Variants in ATP8B4 observed in about 807,000 individuals in gnomAD.
The protein encoded by ATP8B4 is probable phospholipid-transporting ATPase IM.
ATP8B4 carries 133 observed loss-of-function variants against 145.6 expected under a neutral mutation model. The ratio of observed to expected loss-of-function variants is 0.91; its 90% CI spans 0.79 to 1.05. The LOEUF (loss-of-function observed/expected upper bound fraction) is 1.05. ATP8B4 is among the 50% of genes least tolerant of loss of function. The probability of loss-of-function intolerance (pLI) is 0.00; values close to 1 mark genes in which losing one functional copy is unlikely to be tolerated. For synonymous variants in ATP8B4, 507 were observed against 492.9 expected, an observed-to-expected ratio of 1.03 and a Z score of -0.38; for missense variants, 1,458 against 1,425.2, an observed-to-expected ratio of 1.02 and a Z score of -0.37.
intron 2 of ATP8B4, among the ~76,000 whole-genome samples, chr15:50,083,660 G>C (rs1342629454): frequency 6.6e-6 from 1 of 152,126 alleles, no homozygotes; most frequent in Non-Finnish European, 1.5e-5. Context: ...ATACCTCAGG[G>C]GTTGCACAGG....
intron 1 of ATP8B4, among the ~76,000 whole-genome samples, chr15:50,112,316 C>G (rs2056985548): frequency 6.6e-6 from 1 of 152,094 alleles, no homozygotes; most frequent in Non-Finnish European, 1.5e-5. Flanking sequence ...CCCTCCCTGT[C>G]TGTCTCCTAT....
At chr15:50,175,274 TA>T (rs1385053333) in intron 1 of ATP8B4, among the ~76,000 whole-genome samples, 2 of 151,930 alleles carry the variant, frequency 1.3e-5, no homozygotes, top group South Asian at 2.1e-4. Context: ...CCAAATGCAA[TA>T]AAAACAAAGA....
intron 3 of ATP8B4, among the ~76,000 whole-genome samples, chr15:50,071,409 G>A (rs1331859179): frequency 2.0e-5 from 3 of 152,132 alleles, no homozygotes; most frequent in East Asian, 1.9e-4. Flanking sequence ...AGGCACAAAC[G>A]AAATAAGGCT....
intron 16 of ATP8B4, among the ~76,000 whole-genome samples, chr15:49,927,759 C>T (rs979008651): frequency 1.3e-5 from 2 of 152,082 alleles, no homozygotes; most frequent in Admixed American, 1.3e-4. Flanking sequence ...TAACACCTTC[C>T]CTGAGGCTGT....
intron 1 of ATP8B4, among the ~76,000 whole-genome samples, chr15:50,114,802 A>G (rs1199565939): frequency 6.6e-6 from 1 of 152,218 alleles, no homozygotes; most frequent in African/African-American, 2.4e-5. Context: ...AGCGATGATT[A>G]TTTTTATTTT....
At chr15:50,163,050 T>C (rs1319663156) in intron 1 of ATP8B4, among the ~76,000 whole-genome samples, 1 of 152,224 alleles carries the variant, frequency 6.6e-6, no homozygotes, top group Non-Finnish European at 1.5e-5. Flanking sequence ...TCCATTAAGG[T>C]TTCTCAAAAC....
chr15:50,101,734 C>G (rs1003157738), intron 2 of ATP8B4, among the ~76,000 whole-genome samples: 13 of 152,092 alleles, frequency 8.5e-5, no homozygotes, highest in Non-Finnish European at 7.4e-5. Context: ...TACCCTAAAA[C>G]AGATGGACTT....
chr15:49,961,845 A>G, intron 14 of ATP8B4, 132 bp downstream of exon 14: 1 of 715,936 alleles, frequency 1.4e-6, no homozygotes, highest in East Asian at 3.1e-5. Context: ...ATATTAATCT[A>G]TTTTTTAATG....
At chr15:49,955,541 G>A (rs2043485214) in intron 14 of ATP8B4, among the ~76,000 whole-genome samples, 1 of 152,160 alleles carries the variant, frequency 6.6e-6, no homozygotes, top group African/African-American at 2.4e-5. Flanking sequence ...CAAAAGAATG[G>A]AAATCAGGAT....
chr15:50,057,600 A>T (rs1258308981), intron 3 of ATP8B4, among the ~76,000 whole-genome samples: 3 of 152,182 alleles, frequency 2.0e-5, no homozygotes, highest in African/African-American at 7.2e-5. Context: ...TAGGGAGAAC[A>T]TTGCTGGGCT....
chr15:49,967,592 C>T (rs922700958), intron 13 of ATP8B4, among the ~76,000 whole-genome samples: 13 of 152,004 alleles, frequency 8.6e-5, no homozygotes, highest in South Asian at 2.1e-4. Flanking sequence ...TGAAAAGGAA[C>T]GAATAAAGCC....
intron 26 of ATP8B4, among the ~76,000 whole-genome samples, chr15:49,862,580 C>T (rs556318057): frequency 9.9e-5 from 15 of 152,174 alleles, no homozygotes; most frequent in African/African-American, 3.6e-4. Context: ...CCTCAGCCTC[C>T]TGAGTAGCTG....
intron 17 of ATP8B4, among the ~76,000 whole-genome samples, chr15:49,922,703 C>G (rs1409870990): frequency 6.6e-6 from 1 of 152,146 alleles, no homozygotes; most frequent in East Asian, 1.9e-4. Flanking sequence ...ACACTTGAAT[C>G]TCAGGTTTAA....
At chr15:50,068,748 G>A (rs1258409770) in intron 3 of ATP8B4, among the ~76,000 whole-genome samples, 1 of 152,154 alleles carries the variant, frequency 6.6e-6, no homozygotes, top group Non-Finnish European at 1.5e-5. Context: ...AAGTTCAAGA[G>A]AATTGAATGG....
At chr15:49,946,861 A>T (rs1299911478) in intron 14 of ATP8B4, among the ~76,000 whole-genome samples, 1 of 152,228 alleles carries the variant, frequency 6.6e-6, no homozygotes, top group Non-Finnish European at 1.5e-5. Context: ...GACAATGGTC[A>T]GCCAGGCATA....
intron 16 of ATP8B4, among the ~76,000 whole-genome samples, chr15:49,924,567 CA>C (rs1281162882): frequency 6.6e-6 from 1 of 152,018 alleles, no homozygotes; most frequent in Non-Finnish European, 1.5e-5. Flanking sequence ...AAATGGCGTA[CA>C]AAATTTAGTG....
intron 3 of ATP8B4, among the ~76,000 whole-genome samples, chr15:50,072,438 A>C (rs142624605): frequency 3.3e-5 from 5 of 152,294 alleles, no homozygotes; most frequent in African/African-American, 1.2e-4. Context: ...AAGGCCCATG[A>C]TGTAATTCAT....
At chr15:50,032,974 A>C (rs998522291) in intron 6 of ATP8B4, among the ~76,000 whole-genome samples, 2 of 152,236 alleles carry the variant, frequency 1.3e-5, no homozygotes, top group Non-Finnish European at 2.9e-5. Context: ...AGAAAAAATA[A>C]AACAGAATTT....
intron 15 of ATP8B4, among the ~76,000 whole-genome samples, chr15:49,932,504 C>T (rs909800180): frequency 1.3e-5 from 2 of 152,062 alleles, no homozygotes; most frequent in Admixed American, 1.3e-4. Context: ...CTTCTGGTAA[C>T]ATGGTGGAAT....
Sources: allele counts gnomAD v4.1 joint callset (sites outside exome capture counted in the v4.1 genomes callset), GRCh38; gene constraint gnomAD v4.1.1; transcripts MANE v1.5; gene names NCBI Gene and HGNC (gene_info 2026-07-23, HGNC 2026-07-21).